TMOD3: variants seen among roughly 807,000 people sequenced by gnomAD.
TMOD3 encodes tropomodulin-3.
A neutral mutation model predicts 39.2 loss-of-function variants in TMOD3; 20 were observed. The observed-to-expected ratio is 0.51, with a 90% CI of 0.36 to 0.74. The LOEUF is 0.74. Ranked by LOEUF, TMOD3 falls within the 30% of genes least tolerant of loss-of-function variation. TMOD3 has a pLI of 0.00. For missense variants in TMOD3, 381 were observed against 412.8 expected, an observed-to-expected ratio of 0.92 and a Z score of 0.67; for synonymous variants, 143 against 145.8, an observed-to-expected ratio of 0.98 and a Z score of 0.14.
intron 1 of TMOD3, among the ~76,000 whole-genome samples, chr15:51,850,989 T>A (rs2141675567): frequency 6.6e-6 from 1 of 152,292 alleles, no homozygotes; most frequent in Non-Finnish European, 1.5e-5. Flanking sequence ...AACCTTGGCC[T>A]CCCAAAGTGT....
Position 51,889,135 on chromosome 15 carries a change from A to G in TMOD3, c.486A>G (p.Glu162=). ...GAAGTAGTAATGGTGTTGACCAAGA[A>G]CATTTTTCAAGTGAGTACTTAAAAT... ...IMGSSNGVDQ[E]HFSNVVKGEK... The change falls in exon 5 of 10, where the codon GAA becomes GAG. Residue 162 remains glutamate (E), a synonymous_variant. Transcript: ENST00000308580. 1 of 1,597,660 alleles carries G rather than the reference A, an allele frequency of 6.3e-7. No homozygotes were observed. The highest frequency in any genetic ancestry group is 8.6e-7 in the Non-Finnish European group (1 of 1,169,494).
intron 1 of TMOD3, among the ~76,000 whole-genome samples, chr15:51,835,677 G>A (rs2141665053): frequency 6.6e-6 from 1 of 152,220 alleles, no homozygotes; most frequent in South Asian, 2.1e-4. Flanking sequence ...ATTTGCCTTG[G>A]AACAATTTTT....
rs527646755 is a variant in TMOD3, at chr15:51,914,966, G to C, written c.*6156G>C. On this transcript the variant is annotated 3_prime_UTR_variant, in exon 10 of 10. Transcript: ENST00000308580. ...AGGCTGGTCTCGAACTCCTGACCTC[G>C]TAATCCACCCGCCTCGGCCTCCCAA... 6.6e-6 allele frequency: 1 copy of C among 152,004 alleles called. No homozygotes were observed. Among genetic ancestry groups the C allele is most frequent in the Admixed American group, 6.6e-5 (1 of 15,254 alleles). The allele number at this position is 152,004 out of a possible 1,614,324, so 9.4% of individuals were successfully genotyped here.
chr15:51,885,075 C>A (rs1232979797), intron 3 of TMOD3, among the ~76,000 whole-genome samples: 1 of 152,198 alleles, frequency 6.6e-6, no homozygotes. Flanking sequence ...CCAGTTTAAA[C>A]CAACTTTAAT....
chr15:51,864,054 C>T (rs2056432590), intron 2 of TMOD3, among the ~76,000 whole-genome samples: 1 of 151,752 alleles, frequency 6.6e-6, no homozygotes, highest in African/African-American at 2.4e-5. Flanking sequence ...TCACTTGAGG[C>T]CAGGAGTTCG....
chr15:51,914,952 G>A lies in TMOD3; in HGVS notation c.*6142G>A, dbSNP rs1218796825. 2.0e-5 allele frequency: 3 copies of A among 151,908 alleles called. No individual in the cohort carries two copies. The highest frequency in any genetic ancestry group is 4.8e-5 in the African/African-American group (2 of 41,384). 9.4% of individuals were successfully genotyped at this position (151,908 alleles called of 1,614,324 possible). A position where few individuals can be genotyped will look rare whatever the true frequency, so the allele number is the denominator to read the frequency against. ...TCACCATCTTGGCCAGGCTGGTCTC[G>A]AACTCCTGACCTCGTAATCCACCCG... On this transcript the variant is annotated 3_prime_UTR_variant, in exon 10 of 10. Transcript: ENST00000308580.
chr15:51,860,182 C>T (rs1237639131), intron 1 of TMOD3: 2 of 471,980 alleles, frequency 4.2e-6, no homozygotes. Context: ...AGAAGATCAT[C>T]TGTGTGTAGA....
In TMOD3 at chr15:51,859,726, C is replaced by CT. The variant is rs1173815582; in HGVS notation, c.-74-3082dup. ...CAAAAAGCATGGCTATGTCAGGGCT[C>CT]TTTGAGTCAATCAGCACATGCACCT... On this transcript the variant is annotated intron_variant, in intron 1 of 9. Transcript: ENST00000308580. 2.7e-5 allele frequency: 13 copies of CT among 488,030 alleles called. 1 individual carries two copies. Among genetic ancestry groups the CT allele is most frequent in the South Asian group, 2.2e-4 (13 of 59,334 alleles). 30.2% of individuals were successfully genotyped at this position (488,030 alleles called of 1,614,324 possible). A position where few individuals can be genotyped will look rare whatever the true frequency, so the allele number is the denominator to read the frequency against.
At chr15:51,853,743 A>T (rs1431045562) in intron 1 of TMOD3, among the ~76,000 whole-genome samples, 1 of 149,198 alleles carries the variant, frequency 6.7e-6, no homozygotes, top group African/African-American at 2.5e-5. Flanking sequence ...TAAGAGTTTG[A>T]GGCTGCGCCA....
chr15:51,908,127 C>A (rs542729227), intron 9 of TMOD3, among the ~76,000 whole-genome samples: 16 of 152,268 alleles, frequency 1.1e-4, no homozygotes, highest in African/African-American at 3.4e-4. Context: ...TCTTTTACAG[C>A]CTAAGGAAAT....
At chr15:51,877,734 G>T (rs2056512230) in intron 3 of TMOD3, among the ~76,000 whole-genome samples, 1 of 151,908 alleles carries the variant, frequency 6.6e-6, no homozygotes, top group South Asian at 2.1e-4. Flanking sequence ...TTCAGTCTAG[G>T]GCTAATTATT....
At chr15:51,862,434 A>G (rs888733741) in intron 1 of TMOD3, among the ~76,000 whole-genome samples, 10 of 152,210 alleles carry the variant, frequency 6.6e-5, no homozygotes, top group South Asian at 4.1e-4. Flanking sequence ...AGTAAAACAA[A>G]TGTGCCTTAA....
At chr15:51,870,658 C>T (rs998973785) in intron 3 of TMOD3, among the ~76,000 whole-genome samples, 1 of 152,152 alleles carries the variant, frequency 6.6e-6, no homozygotes, top group African/African-American at 2.4e-5. Context: ...AGCTCTGCAC[C>T]TGACTTTTCT....
intron 1 of TMOD3, among the ~76,000 whole-genome samples, chr15:51,857,438 G>A (rs572643038): frequency 1.3e-5 from 2 of 152,254 alleles, no homozygotes; most frequent in South Asian, 4.2e-4. Flanking sequence ...GCAATGTATT[G>A]GAGTAAGCTA....
Position 51,902,644 on chromosome 15 carries a change from ATTT to A in TMOD3, c.1024+629_1024+631del, listed in dbSNP as rs200954393. On this transcript the variant is annotated intron_variant, in intron 9 of 9. Transcript: ENST00000308580. ...CGCGCCGTGCCCAGCTAATTTTTGT[ATTT>A]TTTTTTTTTTTTTTTTTTTTGAGAC... is the stretch of plus-strand genomic sequence containing the variant. Among the ~76,000 whole-genome samples the A allele has an allele frequency of 5.0e-3, 477 of 94,984 alleles. 4 individuals carry two copies. The highest frequency in any genetic ancestry group is 0.014 in the East Asian group (36 of 2,616). 62.3% of individuals were successfully genotyped at this position (94,984 alleles called of 152,430 possible). A position where few individuals can be genotyped will look rare whatever the true frequency, so the allele number is the denominator to read the frequency against.
intron 8 of TMOD3, among the ~76,000 whole-genome samples, chr15:51,900,578 C>T (rs565682939): frequency 6.6e-6 from 1 of 152,244 alleles, no homozygotes; most frequent in East Asian, 1.9e-4. Context: ...ACCTAGTCCA[C>T]CTTCCAATTT....
chr15:51,908,711 A>G, intron 9 of TMOD3, 65 bp from the exon 10 acceptor site: 1 of 1,374,540 alleles, frequency 7.3e-7, no homozygotes, highest in Non-Finnish European at 1.0e-6. Context: ...TGCTTGTTAT[A>G]AGCAAGTTAC....
chr15:51,885,368 G>T (rs2056555477), intron 3 of TMOD3, among the ~76,000 whole-genome samples: 1 of 150,892 alleles, frequency 6.6e-6, no homozygotes, highest in Non-Finnish European at 1.5e-5. Flanking sequence ...TAGGACAATA[G>T]TGGAGGGAAG....
Position 51,865,903 on chromosome 15 carries a change from A to ATAT in TMOD3, c.126+2893_126+2894insTAT, listed in dbSNP as rs1555386229. Among the ~76,000 whole-genome samples the ATAT allele has an allele frequency of 5.6e-3, 845 of 151,796 alleles. 7 individuals are homozygous for ATAT. The highest frequency in any genetic ancestry group is 9.3e-3 in the Non-Finnish European group (631 of 67,890). ...CTCACTGAGTTTTTGCCAAAAAAAA[A>ATAT]ATATATATATATGTCTCCAGAAGAC... On this transcript the variant is annotated intron_variant, in intron 2 of 9. Coordinates refer to ENST00000308580, the MANE Select transcript of TMOD3 (RefSeq NM_014547.5).
Sources: allele counts gnomAD v4.1 joint callset (sites outside exome capture counted in the v4.1 genomes callset), GRCh38; gene constraint gnomAD v4.1.1; transcripts MANE v1.5; gene names NCBI Gene and HGNC (gene_info 2026-07-23, HGNC 2026-07-21).